Variants in CUBN observed in about 807,000 individuals in gnomAD.
CUBN encodes the protein 460 kDa receptor.
In CUBN, 282 loss-of-function variants were observed where a neutral mutation model predicts 405.3. The ratio of observed to expected loss-of-function variants is 0.70; its 90% CI spans 0.63 to 0.77. The LOEUF (loss-of-function observed/expected upper bound fraction) is 0.77. Among genes scored for constraint, CUBN ranks in the 30% least tolerant of loss-of-function variants. The pLI is 0.00. For missense variants in CUBN, 4,514 were observed against 4,475.2 expected, an observed-to-expected ratio of 1.01 and a Z score of -0.25; for synonymous variants, 1,684 against 1,617.0, an observed-to-expected ratio of 1.04 and a Z score of -0.99.
At chr10:16,922,981 C>T (rs72773210) in intron 43 of CUBN, among the ~76,000 whole-genome samples, 8,332 of 152,020 alleles carry the variant, frequency 0.055, 329 homozygotes, top group Non-Finnish European at 0.086. Context: ...TACTGAGCAG[C>T]TGAAACCACA....
chr10:16,892,373 G>C (rs1255723413), intron 54 of CUBN, among the ~76,000 whole-genome samples: 1 of 152,020 alleles, frequency 6.6e-6, no homozygotes, highest in Non-Finnish European at 1.5e-5. Flanking sequence ...TTTACTTAAT[G>C]ATCTCTAATT....
Position 16,904,134 on chromosome 10 carries a change from C to T in CUBN, c.7913-19G>A. 1.9e-6 allele frequency: 3 copies of T among 1,611,992 alleles called. No homozygotes were observed. The highest frequency in any genetic ancestry group is 2.5e-6 in the Non-Finnish European group (3 of 1,178,208). ...GCATCACCTGAACAAAATAATATAC[C>T]AAGTGCCATCATTGATACAGCTTTT... On this transcript the variant is annotated intron_variant, in intron 50 of 66. Transcript: ENST00000377833.
chr10:17,099,726 C>G (rs948166213), intron 14 of CUBN, among the ~76,000 whole-genome samples: 6 of 151,982 alleles, frequency 3.9e-5, no homozygotes, highest in Admixed American at 3.9e-4. Flanking sequence ...GTGGTGCACA[C>G]CTGTAGTCCC....
In CUBN at chr10:16,888,312, T is replaced by G. The variant is rs1840880452; in HGVS notation, c.8905+105A>C. ...GAGCAGACATGTTAATTAACTGGAT[T>G]TAGCCACTCTACAACATGTACATAT... On this transcript the variant is annotated intron_variant, in intron 56 of 66. Transcript: ENST00000377833. The G allele has an allele frequency of 1.7e-5, 15 of 894,924 alleles. No individual in the cohort carries two copies. The South Asian group carries it at 2.0e-4, about 12-fold the overall frequency. The allele number at this position is 894,924 out of a possible 1,614,324, so 55.4% of individuals were successfully genotyped here. A position where few individuals can be genotyped will look rare whatever the true frequency, so the allele number is the denominator to read the frequency against.
intron 26 of CUBN, among the ~76,000 whole-genome samples, chr10:17,041,613 T>A (rs1033766148): frequency 6.6e-6 from 1 of 152,156 alleles, no homozygotes; most frequent in African/African-American, 2.4e-5. Flanking sequence ...TCTGTGCTGC[T>A]GTTTTTTTAA....
At chr10:16,975,736 T>C (rs1457888089) in intron 31 of CUBN, among the ~76,000 whole-genome samples, 1 of 149,088 alleles carries the variant, frequency 6.7e-6, no homozygotes. Flanking sequence ...GTTCAAGCGA[T>C]TCTCATGCCT....
At chr10:17,035,212 C>A (rs978490949) in intron 27 of CUBN, among the ~76,000 whole-genome samples, 1 of 151,996 alleles carries the variant, frequency 6.6e-6, no homozygotes, top group African/African-American at 2.4e-5. Context: ...AAAGGAGAAC[C>A]CTCTAAAGAA....
intron 22 of CUBN, among the ~76,000 whole-genome samples, chr10:17,061,766 G>A (rs1298397134): frequency 6.6e-6 from 1 of 152,132 alleles, no homozygotes; most frequent in Admixed American, 6.5e-5. Context: ...TCGCTTTGCA[G>A]GAAATATGAA....
At chr10:16,884,522 G>A (rs1840757052) in intron 56 of CUBN, among the ~76,000 whole-genome samples, 1 of 152,064 alleles carries the variant, frequency 6.6e-6, no homozygotes, top group Non-Finnish European at 1.5e-5. Context: ...CCAAAATGAG[G>A]ACAAACATCA....
rs71377018 is a variant in CUBN at position 17,115,243 on chromosome 10, CAA to C, written c.720+226_720+227del. Among the ~76,000 whole-genome samples, 19,371 of 121,992 alleles carry C rather than the reference CAA, an allele frequency of 0.16. 1,484 individuals are homozygous for C. The highest frequency in any genetic ancestry group is 0.27 in the Middle Eastern group (65 of 238). 80.0% of individuals were successfully genotyped at this position (121,992 alleles called of 152,430 possible). A position where few individuals can be genotyped will look rare whatever the true frequency, so the allele number is the denominator to read the frequency against. On this transcript the variant is annotated intron_variant, in intron 7 of 66. Transcript: ENST00000377833. ...TGGGTGACAGAGTGAGGCTCCATCT[CAA>C]AAAAAAAAAAAAAAAAAAATCCTAT...
At position 17,114,082 on chromosome 10, in the gene CUBN, T is replaced by G. The variant is rs767919291; in HGVS notation, c.828A>C (p.Thr276=). The G allele has an allele frequency of 1.9e-6, 3 of 1,613,156 alleles. No individual in the cohort carries two copies. Among genetic ancestry groups the G allele is most frequent in the Non-Finnish European group, 1.7e-6 (2 of 1,179,698 alleles). Residue 276 remains threonine (T), a synonymous_variant, in exon 8 of 67, where the codon ACA becomes ACC. Coordinates refer to ENST00000377833, the MANE Select transcript of CUBN (RefSeq NM_001081.4). ...ECSFQPGPCS[T]LVQCFNTQGS... ...CTTGAGTGTTGAAACACTGCACAAG[T>G]GTGGAGCAAGGCCCGGGCTGGAAGC...
At chr10:16,997,249 C>T (rs1201465241) in intron 28 of CUBN, among the ~76,000 whole-genome samples, 1 of 151,994 alleles carries the variant, frequency 6.6e-6, no homozygotes, top group African/African-American at 2.4e-5. Context: ...TCCTGGCAAA[C>T]ATGGTGAAAC....
intron 59 of CUBN, among the ~76,000 whole-genome samples, chr10:16,853,634 A>C (rs1189740825): frequency 1.3e-5 from 2 of 152,202 alleles, no homozygotes; most frequent in Non-Finnish European, 2.9e-5. Context: ...AATGCTTCCA[A>C]AGGCCCAGTC....
At position 16,948,591 on chromosome 10, in the gene CUBN, G is replaced by A. The variant is rs758299673; in HGVS notation, c.5096C>T (p.Thr1699Ile). 1.2e-6 allele frequency: 2 copies of A among 1,613,958 alleles called. No individual in the cohort carries two copies. Among genetic ancestry groups the A allele is most frequent in the East Asian group, 2.2e-5 (1 of 44,874 alleles). The change falls in exon 35 of 67, where the codon ACC (threonine) becomes ATC (isoleucine). Residue 1699 changes from threonine (T) to isoleucine (I), a missense_variant. By Grantham distance (89) the Thr-to-Ile change is moderately conservative. Transcript: ENST00000377833. ...DAPLRGRYCG[T>I]DMPHPITSFS... ...GGATGTGATAGGATGGGGCATGTCG[G>A]TGCCACAGTAACGGCCTAAATAATG...
At position 16,967,741 on chromosome 10, in the gene CUBN, CAAAG is replaced by C. The variant is rs1350693581; in HGVS notation, c.4696-13197_4696-13194del. The stretch of plus-strand genomic sequence containing the variant: ...AAAAAGGGAGAGGGAGAGAGAGGAA[CAAAG>C]AAAGGGAAAGATAAGAAGAGAAGGA... On this transcript the variant is annotated intron_variant, in intron 31 of 66. Coordinates refer to ENST00000377833, the MANE Select transcript of CUBN (RefSeq NM_001081.4). 3.7e-5 allele frequency among the ~76,000 whole-genome samples: 5 copies of C among 133,676 alleles called. No individual in the cohort carries two copies. In the East Asian group the frequency reaches 1.1e-3, roughly 30 times the overall value. The allele number at this position is 133,676 out of a possible 152,430, so 87.7% of individuals were successfully genotyped here.
At chr10:16,967,805 A>AAGAAGGAGAGACAGAGGGAGAGAGAG (rs1564452473) in intron 31 of CUBN, among the ~76,000 whole-genome samples, 2 of 114,596 alleles carry the variant, frequency 1.7e-5, no homozygotes, top group East Asian at 2.2e-4. Flanking sequence ...CGGAGAGAGA[A>AAGAAGGAGAGACAGAGGGAGAGAGAG]AGAAGGAGAG....
At chr10:16,920,343 C>T (rs1378454198) in intron 43 of CUBN, among the ~76,000 whole-genome samples, 2 of 152,160 alleles carry the variant, frequency 1.3e-5, no homozygotes, top group Non-Finnish European at 2.9e-5. Flanking sequence ...TTTTGCCAGA[C>T]CATTTATCTA....
At chr10:16,891,947 G>A (rs548827610) in intron 54 of CUBN, among the ~76,000 whole-genome samples, 9 of 152,322 alleles carry the variant, frequency 5.9e-5, no homozygotes, top group Admixed American at 2.0e-4. Context: ...CAAGGATGTA[G>A]TTGGATGTGT....
intron 29 of CUBN, among the ~76,000 whole-genome samples, chr10:16,986,617 C>A (rs1344406159): frequency 6.6e-6 from 1 of 152,160 alleles, no homozygotes; most frequent in Non-Finnish European, 1.5e-5. Flanking sequence ...GCACTCCCCC[C>A]AAGTCCCATC....
Sources: allele counts gnomAD v4.1 joint callset (sites outside exome capture counted in the v4.1 genomes callset), GRCh38; gene constraint gnomAD v4.1.1; transcripts MANE v1.5; gene names NCBI Gene and HGNC (gene_info 2026-07-23, HGNC 2026-07-21).